AUTS2: variants seen among roughly 807,000 people sequenced by gnomAD.
AUTS2 encodes the protein autism susceptibility gene 2 protein.
Under a neutral mutation model 112.4 loss-of-function variants are expected in AUTS2, and 17 were observed. The ratio of observed to expected loss-of-function variants is 0.15; its 90% CI spans 0.10 to 0.23. AUTS2 has a LOEUF of 0.23. Among genes scored for constraint, AUTS2 ranks in the 10% least tolerant of loss-of-function variants. AUTS2 has a pLI of 1.00. For missense variants in AUTS2, 1,510 were observed against 1,701.6 expected (o/e 0.89, Z 1.98); for synonymous variants, 751 against 702.7 (o/e 1.07, Z -1.09).
chr7:70,220,963 C>T (rs905809740), intron 4 of AUTS2, among the ~76,000 whole-genome samples: 2 of 152,164 alleles, frequency 1.3e-5, no homozygotes, highest in African/African-American at 2.4e-5. Context: ...ATTCTGGTCT[C>T]GCTCTGTCAC....
chr7:69,600,332 T>G (rs552794834), intron 1 of AUTS2, among the ~76,000 whole-genome samples: 1 of 151,962 alleles, frequency 6.6e-6, no homozygotes, highest in Non-Finnish European at 1.5e-5. Flanking sequence ...CATGGCTTCT[T>G]GGCTGGTGGA....
At chr7:69,818,520 A>G (rs575221328) in intron 1 of AUTS2, among the ~76,000 whole-genome samples, 6 of 152,322 alleles carry the variant, frequency 3.9e-5, no homozygotes, top group African/African-American at 9.6e-5. Flanking sequence ...TTATATCACT[A>G]TTAATATTGA....
At chr7:70,330,571 C>CT (rs1790696228) in intron 4 of AUTS2, among the ~76,000 whole-genome samples, 1 of 152,140 alleles carries the variant, frequency 6.6e-6, no homozygotes, top group Non-Finnish European at 1.5e-5. Flanking sequence ...AGTCTTCCAA[C>CT]TTTTTTCTCC....
intron 4 of AUTS2, among the ~76,000 whole-genome samples, chr7:70,297,791 G>T (rs1446773248): frequency 6.6e-6 from 1 of 152,092 alleles, no homozygotes. Context: ...TGTTAGAACT[G>T]TACATAATCT....
chr7:70,567,385 A>G (rs1353246321), intron 5 of AUTS2, among the ~76,000 whole-genome samples: 2 of 152,190 alleles, frequency 1.3e-5, no homozygotes, highest in African/African-American at 4.8e-5. Flanking sequence ...CATCAAAAAA[A>G]ATTTCCATTG....
At chr7:70,675,507 A>G (rs547589185) in intron 5 of AUTS2, among the ~76,000 whole-genome samples, 2 of 152,264 alleles carry the variant, frequency 1.3e-5, no homozygotes, top group East Asian at 3.9e-4. Flanking sequence ...AAGAAAGAAA[A>G]AGAAACGTTT....
intron 2 of AUTS2, among the ~76,000 whole-genome samples, chr7:69,979,352 T>A (rs761969725): frequency 6.6e-6 from 1 of 152,240 alleles, no homozygotes; most frequent in Non-Finnish European, 1.5e-5. Flanking sequence ...CTGTACTTTT[T>A]TCATCATCCT....
At chr7:70,618,541 T>C (rs7780941) in intron 5 of AUTS2, among the ~76,000 whole-genome samples, 131,542 of 152,220 alleles carry the variant, frequency 0.86, 57,020 homozygotes, top group African/African-American at 0.92. Context: ...CCACAGAGCA[T>C]GCTGTGCCCT....
At chr7:70,242,270 C>A (rs557093036) in intron 4 of AUTS2, among the ~76,000 whole-genome samples, 1 of 152,170 alleles carries the variant, frequency 6.6e-6, no homozygotes, top group Non-Finnish European at 1.5e-5. Context: ...ATCCCAAACC[C>A]CCAAAACAGG....
At chr7:69,951,496 G>T (rs879609116) in intron 2 of AUTS2, among the ~76,000 whole-genome samples, 1 of 152,186 alleles carries the variant, frequency 6.6e-6, no homozygotes, top group Non-Finnish European at 1.5e-5. Context: ...GATATGATGA[G>T]CCTCTCTAAT....
chr7:70,420,209 T>C (rs756085013), intron 4 of AUTS2, among the ~76,000 whole-genome samples: 1 of 152,224 alleles, frequency 6.6e-6, no homozygotes, highest in Non-Finnish European at 1.5e-5. Context: ...AAGCCAGCGC[T>C]TATAATTCTT....
At chr7:69,644,728 T>G (rs1045533989) in intron 1 of AUTS2, among the ~76,000 whole-genome samples, 5 of 152,198 alleles carry the variant, frequency 3.3e-5, no homozygotes, top group African/African-American at 4.8e-5. Context: ...CAATATGACT[T>G]AACTGTATAA....
chr7:70,522,100 C>T (rs1291575900), intron 5 of AUTS2, among the ~76,000 whole-genome samples: 1 of 152,042 alleles, frequency 6.6e-6, no homozygotes, highest in Non-Finnish European at 1.5e-5. Context: ...AGAGAAATGC[C>T]ACTCAAGCGA....
intron 1 of AUTS2, among the ~76,000 whole-genome samples, chr7:69,728,297 A>G (rs944380710): frequency 1.3e-5 from 2 of 152,220 alleles, no homozygotes; most frequent in Non-Finnish European, 2.9e-5. Flanking sequence ...TTCCCACCCT[A>G]AACCTGCTGC....
chr7:70,245,171 A>ATATATAT lies in AUTS2; in HGVS notation c.660+110600_660+110601insTATATAT, dbSNP rs61292882. Among the ~76,000 whole-genome samples the ATATATAT allele has an allele frequency of 1.5e-3, 197 of 129,538 alleles. 1 individual carries two copies. The highest frequency in any genetic ancestry group is 4.6e-3 in the African/African-American group (142 of 30,538). The allele number at this position is 129,538 out of a possible 152,430, so 85.0% of individuals were successfully genotyped here. ...ATATATATATATATATATATATATA[A>ATATATAT]AAAATAAAAAATAAACAAAAATTAA... On this transcript the variant is annotated intron_variant, in intron 4 of 18. Transcript: ENST00000342771.
chr7:69,821,445 A>AGGACGT (rs1447854949), intron 1 of AUTS2, among the ~76,000 whole-genome samples: 3 of 152,154 alleles, frequency 2.0e-5, no homozygotes, highest in Non-Finnish European at 4.4e-5. Flanking sequence ...ACCAATGAGC[A>AGGACGT]GGACGTGGGC....
At chr7:69,673,144 TA>T (rs961760424) in intron 1 of AUTS2, among the ~76,000 whole-genome samples, 1 of 152,210 alleles carries the variant, frequency 6.6e-6, no homozygotes, top group African/African-American at 2.4e-5. Context: ...CCTAGATACT[TA>T]AAAAAATTTT....
At chr7:69,786,230 C>G (rs1789367067) in intron 1 of AUTS2, among the ~76,000 whole-genome samples, 1 of 152,078 alleles carries the variant, frequency 6.6e-6, no homozygotes, top group African/African-American at 2.4e-5. Flanking sequence ...AATCAGCACT[C>G]TGTGTCTAGC....
chr7:70,029,024 G>A (rs1310697815), intron 2 of AUTS2, among the ~76,000 whole-genome samples: 4 of 152,178 alleles, frequency 2.6e-5, no homozygotes, highest in Admixed American at 2.0e-4. Flanking sequence ...CCCTTTAGCT[G>A]TGTAGCAGAG....
Sources: allele counts gnomAD v4.1 joint callset (sites outside exome capture counted in the v4.1 genomes callset), GRCh38; gene constraint gnomAD v4.1.1; transcripts MANE v1.5; gene names NCBI Gene and HGNC (gene_info 2026-07-23, HGNC 2026-07-21).